Variants in CFAP99 observed in about 807,000 individuals in gnomAD.
CFAP99 encodes the protein cilia- and flagella-associated protein 99.
Under a neutral mutation model 82.7 loss-of-function variants are expected in CFAP99, and 84 were observed. That is an observed-to-expected ratio of 1.02 (90% CI 0.85 to 1.22). The LOEUF is 1.22. CFAP99 is among the 50% of genes most tolerant of loss of function. The pLI is 0.00. For synonymous variants in CFAP99, 456 were observed against 429.5 expected, an observed-to-expected ratio of 1.06 and a Z score of -0.76; for missense variants, 1,059 against 983.5, an observed-to-expected ratio of 1.08 and a Z score of -1.03.
Position 2,435,038 on chromosome 4 carries a change from G to T in CFAP99, c.112-1836G>T, listed in dbSNP as rs1466232297. Among the ~76,000 whole-genome samples, 4 of 152,096 alleles carry T rather than the reference G, an allele frequency of 2.6e-5. No homozygotes were observed. The East Asian group carries it at 7.7e-4, about 29-fold the overall frequency. On this transcript the variant is annotated intron_variant, in intron 2 of 14. Transcript: ENST00000635017. ...GGGCTGGGTGGGGTGGCTCACACCTGTAATCCCAGCACTTTGGGAGGTCGA... is the reference window on the plus strand; with the variant it reads ...GGGCTGGGTGGGGTGGCTCACACCTTTAATCCCAGCACTTTGGGAGGTCGA...
intron 8 of CFAP99, among the ~76,000 whole-genome samples, 175 bp from the exon 9 acceptor site, chr4:2,450,772 T>C (rs1170030417): frequency 6.6e-6 from 1 of 151,926 alleles, no homozygotes. Flanking sequence ...TTGGGGGGCA[T>C]TGGAAGATAG....
At chr4:2,458,690 C>T in intron 11 of CFAP99, 33 bp from the exon 12 acceptor site, 8 of 1,518,764 alleles carry the variant, frequency 5.3e-6, no homozygotes, top group East Asian at 4.9e-5. Context: ...CGGAGCAGCC[C>T]CACTCACCGT....
chr4:2,435,889 G>GAGCAGCTACTCAGGAGGCCGAGGTGGGA (rs1733897507), intron 2 of CFAP99, among the ~76,000 whole-genome samples: 3 of 102,992 alleles, frequency 2.9e-5, no homozygotes, highest in African/African-American at 1.5e-4. Flanking sequence ...CCGAGGTGGG[G>GAGCAGCTACTCAGGAGGCCGAGGTGGGA]AGCAGCTACT....
chr4:2,437,973 C>T (rs1378126455), intron 3 of CFAP99, 97 bp from the exon 4 acceptor site: 26 of 680,216 alleles, frequency 3.8e-5, no homozygotes, highest in Admixed American at 1.1e-4. Flanking sequence ...CCTGTGGCTG[C>T]GTGCCCTGAC....
chr4:2,436,067 T>A (rs1270091313), intron 2 of CFAP99, among the ~76,000 whole-genome samples: 2 of 148,032 alleles, frequency 1.4e-5, no homozygotes, highest in Non-Finnish European at 3.0e-5. Flanking sequence ...AGTGAGACCC[T>A]GTCTCAAAAA....
At chr4:2,424,487 G>A (rs1011893208) in intron 1 of CFAP99, among the ~76,000 whole-genome samples, 11 of 152,264 alleles carry the variant, frequency 7.2e-5, no homozygotes, top group African/African-American at 2.2e-4. Context: ...CCCATGTCAG[G>A]CCTCAGGTGG....
chr4:2,457,412 A>C (rs1476045900), intron 11 of CFAP99, among the ~76,000 whole-genome samples: 1 of 152,224 alleles, frequency 6.6e-6, no homozygotes, highest in Non-Finnish European at 1.5e-5. Context: ...GTGCGAGCTC[A>C]GCGAGCAGCC....
chr4:2,420,084 C>A (rs930113562), intron 1 of CFAP99, among the ~76,000 whole-genome samples: 1 of 151,854 alleles, frequency 6.6e-6, no homozygotes, highest in Non-Finnish European at 1.5e-5. Context: ...CCTCACTTGG[C>A]TGAAACAGAT....
chr4:2,436,729 T>G (rs1733916442), intron 2 of CFAP99, 145 bp from the exon 3 acceptor site: 1 of 633,272 alleles, frequency 1.6e-6, no homozygotes, highest in Non-Finnish European at 2.7e-6. Context: ...GGGGAGGCAC[T>G]GCCAGCTGCC....
At chr4:2,436,826 T>G in intron 2 of CFAP99, 48 bp from the exon 3 acceptor site, 2 of 1,279,252 alleles carry the variant, frequency 1.6e-6, no homozygotes, top group Non-Finnish European at 2.1e-6. Context: ...ACCGCCGCCC[T>G]TTCCTCCCGG....
At chr4:2,456,820 A>G (rs1173468728) in intron 11 of CFAP99, among the ~76,000 whole-genome samples, 1 of 151,928 alleles carries the variant, frequency 6.6e-6, no homozygotes, top group Non-Finnish European at 1.5e-5. Context: ...CGCCCGGCCA[A>G]TAACTTGTTT....
chr4:2,453,499 G>A (rs767201408), intron 11 of CFAP99, among the ~76,000 whole-genome samples: 2 of 152,206 alleles, frequency 1.3e-5, no homozygotes, highest in African/African-American at 4.8e-5. Context: ...CAAAGTGTGA[G>A]AGGGGTCTGA....
At chr4:2,426,496 C>T in exon 2 of CFAP99, 1 of 1,535,952 alleles carries the variant, frequency 6.5e-7, no homozygotes, top group Non-Finnish European at 8.7e-7. Flanking sequence ...ATGGAAAATG[C>T]ATTGAAACTG....
At chr4:2,450,463 G>C in intron 8 of CFAP99, 1 of 279,908 alleles carries the variant, frequency 3.6e-6, no homozygotes. Flanking sequence ...AGCCCATATG[G>C]TGCATGCCGC....
chr4:2,430,071 ACGG>A (rs1488410816), intron 2 of CFAP99, among the ~76,000 whole-genome samples: 12 of 151,828 alleles, frequency 7.9e-5, no homozygotes, highest in Admixed American at 7.9e-4. Flanking sequence ...CATAAACCAA[ACGG>A]CAGACTGCGG....
chr4:2,436,322 T>C (rs181634968), intron 2 of CFAP99, among the ~76,000 whole-genome samples: 1 of 152,286 alleles, frequency 6.6e-6, no homozygotes, highest in Admixed American at 6.5e-5. Context: ...TGGTTATTTT[T>C]TAATTCATTC....
exon 11 of CFAP99, chr4:2,452,259 A>T: frequency 6.5e-7 from 1 of 1,535,938 alleles, no homozygotes; most frequent in East Asian, 2.4e-5. Context: ...GGCGGTTGCA[A>T]GGGAAGCTTA....
At chr4:2,437,643 A>T (rs1300790596) in intron 3 of CFAP99, among the ~76,000 whole-genome samples, 1 of 152,114 alleles carries the variant, frequency 6.6e-6, no homozygotes. Flanking sequence ...ACCCCTTGCC[A>T]CCCAGCTGGA....
intron 6 of CFAP99, among the ~76,000 whole-genome samples, chr4:2,447,644 G>T (rs1181059832): frequency 6.6e-6 from 1 of 150,810 alleles, no homozygotes; most frequent in African/African-American, 2.4e-5. Flanking sequence ...TGGATGGGTG[G>T]GTGGATGGAT....
Sources: allele counts gnomAD v4.1 joint callset (sites outside exome capture counted in the v4.1 genomes callset), GRCh38; gene constraint gnomAD v4.1.1; transcripts MANE v1.5; gene names NCBI Gene and HGNC (gene_info 2026-07-23, HGNC 2026-07-21).